The following MBNL2 variants were observed in gnomAD, a reference collection of about 807,000 sequenced individuals.
The protein encoded by MBNL2 is muscleblind like splicing regulator 2.
MBNL2 carries 17 observed loss-of-function variants against 41.9 expected under a neutral mutation model. That is an observed-to-expected ratio of 0.41 (90% CI 0.28 to 0.61). The LOEUF (loss-of-function observed/expected upper bound fraction) is 0.61, where lower values mean the gene tolerates loss of function less well. Among genes scored for constraint, MBNL2 ranks in the 20% least tolerant of loss-of-function variants. MBNL2 has a pLI of 0.35. For synonymous variants in MBNL2, 195 were observed against 182.9 expected (o/e 1.07, Z -0.53); for missense variants, 336 against 505.6 (o/e 0.66, Z 3.22).
At chr13:97,347,128 G>A (rs2061957799) in intron 5 of MBNL2, 61 bp downstream of exon 5, 2 of 1,305,982 alleles carry the variant, frequency 1.5e-6, no homozygotes, top group African/African-American at 3.0e-5. Context: ...GCTCCGGGCT[G>A]GGACTTGGAT....
upstream of MBNL2, chr13:97,221,673 A>C (rs1306018499): frequency 6.6e-6 from 1 of 152,196 alleles, no homozygotes; most frequent in Non-Finnish European, 1.5e-5. Context: ...TATCAATTTT[A>C]TTGTCCAGCA....
rs55745808 is a variant in MBNL2, at chr13:97,363,418, CTGTGTGTGTGTGTGTGTGTGTGTGTG to C, written c.1013-1697_1013-1672del. Among the ~76,000 whole-genome samples the C allele has an allele frequency of 5.9e-3, 812 of 136,732 alleles. 10 individuals are homozygous for C. The highest frequency in any genetic ancestry group is 7.1e-3 in the Non-Finnish European group (457 of 64,490). The allele number at this position is 136,732 out of a possible 152,430, so 89.7% of individuals were successfully genotyped here. A position where few individuals can be genotyped will look rare whatever the true frequency, so the allele number is the denominator to read the frequency against. On this transcript the variant is annotated intron_variant, in intron 7 of 8. Coordinates refer to ENST00000679496, the MANE Select transcript of MBNL2 (RefSeq NM_001382683.1). ...CAAAGGGAGTTGCCAGAAAGAAAAACTGTGTGTGTGTGTGTGTGTGTGTGTGTGTGTGTGTGTGTGTGTGTGATCAA... is the reference window on the plus strand; with the variant it reads ...CAAAGGGAGTTGCCAGAAAGAAAAACTGTGTGTGTGTGTGTGTGTGATCAA...
chr13:97,201,082 G>GA, the MBNL2 span, among the ~76,000 whole-genome samples: 24 of 151,156 alleles, frequency 1.6e-4, 1 homozygote, highest in South Asian at 4.2e-3. Flanking sequence ...AGAAGAAGAA[G>GA]AAAAAAAAAC....
At chr13:97,310,407 CCCT>C (rs1449637479) in intron 2 of MBNL2, among the ~76,000 whole-genome samples, 2 of 151,570 alleles carry the variant, frequency 1.3e-5, no homozygotes, top group Non-Finnish European at 2.9e-5. Flanking sequence ...AGATTTGTAG[CCCT>C]CCTATTTCTT....
the MBNL2 span, among the ~76,000 whole-genome samples, chr13:97,180,551 A>G: frequency 1.4e-4 from 21 of 151,980 alleles, no homozygotes; most frequent in Non-Finnish European, 2.9e-4. Context: ...CCTAGGCAAC[A>G]TGGTGAAACC....
intron 8 of MBNL2, among the ~76,000 whole-genome samples, chr13:97,370,459 T>G (rs944757361): frequency 1.3e-5 from 2 of 151,992 alleles, no homozygotes; most frequent in African/African-American, 4.8e-5. Flanking sequence ...CACCTGAGGT[T>G]GGGAGTTCGA....
At chr13:97,291,918 G>GAAAA (rs1566397582) in intron 2 of MBNL2, among the ~76,000 whole-genome samples, 1 of 91,178 alleles carries the variant, frequency 1.1e-5, no homozygotes, top group Non-Finnish European at 1.9e-5. Context: ...AAAAAAAAAA[G>GAAAA]TGGGCTGGGT....
rs2052068196 is a variant in MBNL2, at chr13:97,275,928, T to A, written c.-308T>A. 4.3e-6 allele frequency: 1 copy of A among 232,130 alleles called. No homozygotes were observed. Among genetic ancestry groups the A allele is most frequent in the South Asian group, 1.5e-4 (1 of 6,468 alleles). The allele number at this position is 232,130 out of a possible 1,614,324, so 14.4% of individuals were successfully genotyped here. On this transcript the variant is annotated 5_prime_UTR_variant, in exon 2 of 9. Transcript: ENST00000679496. ...CCCAAGGAGTGCCATGATATTGAAG[T>A]CACTTTATTAATAACAGCTGTATCT...
chr13:97,315,940 G>C (rs1395056590), intron 2 of MBNL2, among the ~76,000 whole-genome samples: 4 of 152,154 alleles, frequency 2.6e-5, no homozygotes, highest in African/African-American at 9.7e-5. Context: ...GTGGAGGAGA[G>C]AGATACACTC....
intron 3 of MBNL2, among the ~76,000 whole-genome samples, chr13:97,340,328 T>C (rs2061349101): frequency 6.6e-6 from 1 of 151,990 alleles, no homozygotes; most frequent in East Asian, 1.9e-4. Context: ...CTTGCAACTT[T>C]CAGTTTCACG....
chr13:97,349,044 C>G (rs1347546759), intron 5 of MBNL2, among the ~76,000 whole-genome samples: 1 of 152,180 alleles, frequency 6.6e-6, no homozygotes, highest in African/African-American at 2.4e-5. Context: ...TCATCTAAAT[C>G]ACTGTTTTTG....
At chr13:97,349,827 A>G (rs1476166632) in intron 5 of MBNL2, among the ~76,000 whole-genome samples, 3 of 152,222 alleles carry the variant, frequency 2.0e-5, no homozygotes, top group Non-Finnish European at 2.9e-5. Flanking sequence ...CAGCTTCTCT[A>G]CAAGACCCAG....
intron 2 of MBNL2, among the ~76,000 whole-genome samples, chr13:97,320,519 G>T (rs771849559): frequency 6.6e-6 from 1 of 151,676 alleles, no homozygotes; most frequent in African/African-American, 2.4e-5. Flanking sequence ...GGCTCCCAAA[G>T]TGCTGGAATT....
intron 2 of MBNL2, among the ~76,000 whole-genome samples, chr13:97,292,826 G>A (rs2056388800): frequency 6.8e-6 from 1 of 146,858 alleles, no homozygotes; most frequent in Non-Finnish European, 1.5e-5. Context: ...TTTTTCTCAG[G>A]GAATTATTTA....
At chr13:97,230,052 C>T (rs2042174154) in intron 1 of MBNL2, among the ~76,000 whole-genome samples, 1 of 152,202 alleles carries the variant, frequency 6.6e-6, no homozygotes, top group African/African-American at 2.4e-5. Flanking sequence ...AATCCCAGCA[C>T]TTTGGTAGGC....
chr13:97,280,421 G>A (rs1198882819), intron 2 of MBNL2, among the ~76,000 whole-genome samples: 1 of 152,174 alleles, frequency 6.6e-6, no homozygotes, highest in Non-Finnish European at 1.5e-5. Context: ...AAATAGTATT[G>A]CTAATTTTGG....
At chr13:97,279,111 G>A (rs1385446513) in intron 2 of MBNL2, among the ~76,000 whole-genome samples, 1 of 152,186 alleles carries the variant, frequency 6.6e-6, no homozygotes, top group Admixed American at 6.5e-5. Flanking sequence ...GAAAAATAAT[G>A]ACAATGATAA....
the MBNL2 span, among the ~76,000 whole-genome samples, chr13:97,143,140 A>C: frequency 3.9e-5 from 6 of 152,194 alleles, no homozygotes; most frequent in African/African-American, 1.4e-4. Flanking sequence ...TTGAAAACTA[A>C]AAAATAAAAA....
intron 2 of MBNL2, among the ~76,000 whole-genome samples, chr13:97,300,664 TTCA>T (rs1208847193): frequency 6.6e-6 from 1 of 152,168 alleles, no homozygotes; most frequent in East Asian, 1.9e-4. Context: ...TGCCTTTCTC[TTCA>T]TCTTCTTTTT....
Sources: gnomAD v4.1 joint callset for allele counts (sites outside exome capture counted in the v4.1 genomes callset) on GRCh38, gnomAD v4.1.1 for gene constraint, MANE v1.5 for transcripts, NCBI Gene and HGNC (gene_info 2026-07-23, HGNC 2026-07-21) for gene names.